SLC25A21: variants seen among roughly 807,000 people sequenced by gnomAD.
SLC25A21 encodes solute carrier family 25 member 21, also known as mitochondrial 2-oxodicarboxylate carrier.
SLC25A21 carries 47 observed loss-of-function variants against 43.8 expected under a neutral mutation model. The ratio of observed to expected loss-of-function variants is 1.07; its 90% confidence interval spans 0.85 to 1.37. SLC25A21 has a LOEUF of 1.37. Ranked by LOEUF, SLC25A21 falls within the 40% of genes most tolerant of loss-of-function variation. The pLI is 0.00. For synonymous variants in SLC25A21, 131 were observed against 121.3 expected (o/e 1.08, Z -0.52); for missense variants, 352 against 350.2 (o/e 1.00, Z -0.04).
At chr14:37,048,855 CA>C (rs1402104458) in intron 1 of SLC25A21, among the ~76,000 whole-genome samples, 2 of 152,182 alleles carry the variant, frequency 1.3e-5, no homozygotes, top group African/African-American at 2.4e-5. Flanking sequence ...ATAACTAGAG[CA>C]GACTAGTTTT....
At chr14:37,080,816 A>G (rs905218131) in intron 1 of SLC25A21, among the ~76,000 whole-genome samples, 1 of 152,224 alleles carries the variant, frequency 6.6e-6, no homozygotes, top group Admixed American at 6.5e-5. Context: ...TCCATAATCA[A>G]GATATCTCAT....
At chr14:37,079,329 T>C (rs1171334040) in intron 1 of SLC25A21, among the ~76,000 whole-genome samples, 4 of 152,270 alleles carry the variant, frequency 2.6e-5, no homozygotes, top group South Asian at 2.1e-4. Context: ...CCTTCTTCCC[T>C]ACCTCTCACC....
intron 1 of SLC25A21, among the ~76,000 whole-genome samples, chr14:37,071,514 A>G (rs2138825805): frequency 6.6e-6 from 1 of 152,348 alleles, no homozygotes; most frequent in Admixed American, 6.5e-5. Flanking sequence ...CCTGAGCTAG[A>G]AGGTAGCTTC....
At chr14:36,937,562 G>C (rs1411793257) in intron 1 of SLC25A21, among the ~76,000 whole-genome samples, 2 of 152,172 alleles carry the variant, frequency 1.3e-5, no homozygotes, top group Non-Finnish European at 2.9e-5. Context: ...CTGTGTGCCT[G>C]GCATTGCTCA....
At chr14:36,924,030 G>A (rs1892056494) in intron 1 of SLC25A21, among the ~76,000 whole-genome samples, 2 of 152,210 alleles carry the variant, frequency 1.3e-5, no homozygotes, top group South Asian at 2.1e-4. Context: ...GAAACTACAG[G>A]TGCTGGAGAG....
At chr14:37,055,912 G>T (rs1196666279) in intron 1 of SLC25A21, among the ~76,000 whole-genome samples, 1 of 130,416 alleles carries the variant, frequency 7.7e-6, no homozygotes, top group African/African-American at 2.6e-5. Flanking sequence ...ATGTTGAATT[G>T]TGATCCCCAG....
intron 2 of SLC25A21, among the ~76,000 whole-genome samples, chr14:36,840,037 T>A (rs529680661): frequency 3.9e-5 from 6 of 152,162 alleles, no homozygotes; most frequent in African/African-American, 1.4e-4. Flanking sequence ...GGATGGCAGC[T>A]TGAGGGGAAA....
chr14:36,908,027 T>G (rs749673800), intron 1 of SLC25A21, among the ~76,000 whole-genome samples: 1 of 152,076 alleles, frequency 6.6e-6, no homozygotes, highest in Non-Finnish European at 1.5e-5. Context: ...ACATAGAAGA[T>G]ATGGTTGGGA....
Position 36,749,316 on chromosome 14 carries a change from C to T in SLC25A21, c.204-14743G>A, listed in dbSNP as rs932960392. On this transcript the variant is annotated intron_variant, in intron 3 of 9. Coordinates refer to ENST00000331299, the MANE Select transcript of SLC25A21 (RefSeq NM_030631.4). ...TTTTATCATCAGTGAATAGCAACTC[C>T]ATCTTTCCAGTTACTCAGGCCAGAA... Among the ~76,000 whole-genome samples the T allele has an allele frequency of 3.3e-5, 5 of 152,122 alleles. No individual in the cohort carries two copies. In the East Asian group the frequency reaches 9.7e-4, roughly 29 times the overall value.
intron 1 of SLC25A21, among the ~76,000 whole-genome samples, chr14:36,879,973 C>T (rs1890663686): frequency 6.6e-6 from 1 of 152,152 alleles, no homozygotes; most frequent in African/African-American, 2.4e-5. Context: ...GAGAATCCTA[C>T]TAACCTTCAG....
intron 3 of SLC25A21, among the ~76,000 whole-genome samples, chr14:36,788,019 C>T (rs1887313650): frequency 6.6e-6 from 1 of 152,126 alleles, no homozygotes; most frequent in Non-Finnish European, 1.5e-5. Flanking sequence ...TAACATAAAG[C>T]ACATTGCTCT....
chr14:37,077,787 A>G (rs1962310552), intron 1 of SLC25A21, among the ~76,000 whole-genome samples: 1 of 152,188 alleles, frequency 6.6e-6, no homozygotes, highest in Admixed American at 6.5e-5. Context: ...TCCCTATAAT[A>G]TACAGTTTTT....
chr14:36,843,427 A>G (rs1889446554), intron 2 of SLC25A21, among the ~76,000 whole-genome samples: 1 of 152,162 alleles, frequency 6.6e-6, no homozygotes, highest in South Asian at 2.1e-4. Flanking sequence ...CACTTCACCT[A>G]CCTTATTTCT....
At chr14:36,960,790 G>A (rs1959470874) in intron 1 of SLC25A21, among the ~76,000 whole-genome samples, 1 of 152,146 alleles carries the variant, frequency 6.6e-6, no homozygotes, top group Admixed American at 6.5e-5. Context: ...AAACAAAAAA[G>A]AAAGTCCAAG....
chr14:37,067,499 AT>A (rs200650429), intron 1 of SLC25A21, among the ~76,000 whole-genome samples: 3 of 152,024 alleles, frequency 2.0e-5, no homozygotes, highest in African/African-American at 4.8e-5. Context: ...AAATAAAGAG[AT>A]TTTTTTTCTA....
intron 3 of SLC25A21, among the ~76,000 whole-genome samples, chr14:36,738,940 C>A (rs1885146137): frequency 6.6e-6 from 1 of 152,154 alleles, no homozygotes. Flanking sequence ...TCACAACAAT[C>A]CTTTAAAGTA....
intron 2 of SLC25A21, among the ~76,000 whole-genome samples, chr14:36,846,211 A>T (rs1428918620): frequency 6.6e-6 from 1 of 152,210 alleles, no homozygotes; most frequent in East Asian, 1.9e-4. Context: ...GTTGAGAAAG[A>T]ATCTATAATT....
intron 7 of SLC25A21, among the ~76,000 whole-genome samples, chr14:36,693,983 T>C (rs1485286820): frequency 6.6e-6 from 1 of 152,186 alleles, no homozygotes; most frequent in Non-Finnish European, 1.5e-5. Context: ...TACATAGGTA[T>C]ACATGTGCCA....
In SLC25A21 at chr14:37,079,841, C is replaced by A. The variant is rs78978267; in HGVS notation, c.70+92440G>T. 2.3e-3 allele frequency among the ~76,000 whole-genome samples: 346 copies of A among 152,302 alleles called. 6 individuals carry two copies. The East Asian group carries it at 0.044, about 19-fold the overall frequency. ...TGAAGGTTTGTGTCCCCGCCAAATT[C>A]ACAGGCTGAAACCTAATCACTAAGG... On this transcript the variant is annotated intron_variant, in intron 1 of 9. Transcript: ENST00000331299.
Sources: allele counts gnomAD v4.1 joint callset (sites outside exome capture counted in the v4.1 genomes callset), GRCh38; gene constraint gnomAD v4.1.1; transcripts MANE v1.5; gene names NCBI Gene and HGNC (gene_info 2026-07-23, HGNC 2026-07-21).